The following RAPGEF4 variants were observed in gnomAD, a reference collection of about 807,000 sequenced individuals.
RAPGEF4 encodes the protein Rap guanine nucleotide exchange factor 4.
In RAPGEF4, 66 loss-of-function variants were observed where a neutral mutation model predicts 147.9. The ratio of observed to expected loss-of-function variants is 0.45; its 90% confidence interval spans 0.37 to 0.55. RAPGEF4 has a LOEUF of 0.55. RAPGEF4 is among the 20% of genes least tolerant of loss of function. RAPGEF4 has a pLI of 0.00. For missense variants in RAPGEF4, 1,071 were observed against 1,257.3 expected, an observed-to-expected ratio of 0.85 and a Z score of 2.24; for synonymous variants, 419 against 442.7, an observed-to-expected ratio of 0.95 and a Z score of 0.67.
chr2:172,821,748 A>G, intron 4 of RAPGEF4: 3 of 1,103,578 alleles, frequency 2.7e-6, no homozygotes, highest in Non-Finnish European at 3.3e-6. Context: ...AAAAAAAAAA[A>G]AAAAAAAAAA....
At chr2:172,886,711 T>TG (rs1697264770) in intron 4 of RAPGEF4, among the ~76,000 whole-genome samples, 1 of 104,546 alleles carries the variant, frequency 9.6e-6, no homozygotes, top group East Asian at 2.2e-4. Context: ...AGGCAATGCC[T>TG]TTTTTTTTTT....
chr2:172,862,345 T>C (rs1292303681), intron 4 of RAPGEF4, among the ~76,000 whole-genome samples: 3 of 152,186 alleles, frequency 2.0e-5, no homozygotes, highest in Non-Finnish European at 2.9e-5. Flanking sequence ...GAGAGCATTT[T>C]ATATTAAGAA....
intron 6 of RAPGEF4, among the ~76,000 whole-genome samples, chr2:172,940,032 T>C (rs1356725137): frequency 3.9e-5 from 6 of 152,188 alleles, no homozygotes; most frequent in South Asian, 4.1e-4. Context: ...GCTAGCTTTA[T>C]TATAATTCTC....
chr2:172,894,606 G>T (rs1285798765), intron 4 of RAPGEF4, among the ~76,000 whole-genome samples: 2 of 152,182 alleles, frequency 1.3e-5, no homozygotes, highest in African/African-American at 4.8e-5. Context: ...GACCAGAGAA[G>T]TAGGAAAAGA....
chr2:172,970,270 G>A (rs1053799539), intron 10 of RAPGEF4, among the ~76,000 whole-genome samples: 1 of 147,800 alleles, frequency 6.8e-6, no homozygotes, highest in Non-Finnish European at 1.5e-5. Context: ...ATCAAGAATT[G>A]CCAGTATCAC....
chr2:172,833,401 A>G (rs1279864798), intron 4 of RAPGEF4, among the ~76,000 whole-genome samples: 1 of 152,106 alleles, frequency 6.6e-6, no homozygotes, highest in Non-Finnish European at 1.5e-5. Context: ...AATATTTTCT[A>G]GTTACACTCT....
At chr2:172,932,863 G>C (rs1041170134) in intron 6 of RAPGEF4, among the ~76,000 whole-genome samples, 1 of 152,054 alleles carries the variant, frequency 6.6e-6, no homozygotes, top group Non-Finnish European at 1.5e-5. Context: ...TTGTGACCAT[G>C]GGTCTTTGTT....
intron 4 of RAPGEF4, among the ~76,000 whole-genome samples, chr2:172,897,571 T>A (rs535134779): frequency 7.3e-5 from 11 of 151,636 alleles, no homozygotes; most frequent in African/African-American, 2.4e-4. Context: ...ACTAATTTTT[T>A]AATTTTTTTT....
intron 16 of RAPGEF4, among the ~76,000 whole-genome samples, chr2:172,997,132 G>A (rs1693451206): frequency 6.6e-6 from 1 of 152,184 alleles, no homozygotes; most frequent in Admixed American, 6.5e-5. Context: ...TCCTTTTGAA[G>A]GCTGTGAAGG....
At chr2:172,812,657 CT>C (rs1688135258) in intron 3 of RAPGEF4, among the ~76,000 whole-genome samples, 1 of 152,210 alleles carries the variant, frequency 6.6e-6, no homozygotes, top group Non-Finnish European at 1.5e-5. Flanking sequence ...TTGCATTATA[CT>C]TCGCAAATAA....
chr2:172,915,142 C>A (rs1256464110), intron 4 of RAPGEF4, among the ~76,000 whole-genome samples: 1 of 152,152 alleles, frequency 6.6e-6, no homozygotes, highest in Admixed American at 6.5e-5. Context: ...TTTTAATTTA[C>A]AAGTATAAAT....
intron 29 of RAPGEF4, among the ~76,000 whole-genome samples, chr2:173,044,276 G>A (rs1475522640): frequency 8.1e-6 from 1 of 124,100 alleles, no homozygotes; most frequent in Non-Finnish European, 1.7e-5. Context: ...CCGGGGGGCG[G>A]GAGGGGGGGT....
At chr2:172,777,394 A>G (rs757100587) in intron 1 of RAPGEF4, among the ~76,000 whole-genome samples, 1 of 152,102 alleles carries the variant, frequency 6.6e-6, no homozygotes, top group Non-Finnish European at 1.5e-5. Flanking sequence ...TATGGAGCTT[A>G]TGTTCTAGTG....
intron 4 of RAPGEF4, among the ~76,000 whole-genome samples, chr2:172,879,940 G>T (rs1194410028): frequency 6.6e-6 from 1 of 152,192 alleles, no homozygotes; most frequent in African/African-American, 2.4e-5. Flanking sequence ...TACAACAAAA[G>T]CTTTTCCTTT....
At chr2:172,877,571 A>G (rs915907546) in intron 4 of RAPGEF4, among the ~76,000 whole-genome samples, 37 of 151,972 alleles carry the variant, frequency 2.4e-4, no homozygotes, top group Admixed American at 8.5e-4. Context: ...AGTCCAGTTC[A>G]AGACCTGGAT....
rs760443486 is a variant in RAPGEF4 at position 172,967,462 on chromosome 2, G to T, written c.1004+18G>T. 1.2e-6 allele frequency: 2 copies of T among 1,604,460 alleles called. No homozygotes were observed. The highest frequency in any genetic ancestry group is 4.5e-5 in the East Asian group (2 of 44,700). On this transcript the variant is annotated intron_variant, in intron 10 of 30. Transcript: ENST00000397081. ...CGCAAACCGTGAGTGAGAGCTCGTG[G>T]CTCACCCCTCCAGGTCCCAAGGCCG...
At chr2:172,897,527 T>C (rs1303522132) in intron 4 of RAPGEF4, among the ~76,000 whole-genome samples, 1 of 152,012 alleles carries the variant, frequency 6.6e-6, no homozygotes, top group Non-Finnish European at 1.5e-5. Context: ...TCCTCCCAAG[T>C]AGCTAGGACT....
intron 1 of RAPGEF4, among the ~76,000 whole-genome samples, chr2:172,771,615 A>AT (rs929418916): frequency 3.9e-5 from 6 of 151,974 alleles, no homozygotes; most frequent in Admixed American, 3.9e-4. Context: ...TTTTATTTTT[A>AT]TTTTTTTGGT....
At chr2:172,789,091 C>T (rs767655580) in intron 1 of RAPGEF4, among the ~76,000 whole-genome samples, 8 of 152,192 alleles carry the variant, frequency 5.3e-5, no homozygotes, top group Non-Finnish European at 8.8e-5. Flanking sequence ...CAGAGGCCCT[C>T]AGGCAACCAG....
Sources: gnomAD v4.1 joint callset for allele counts (sites outside exome capture counted in the v4.1 genomes callset) on GRCh38, gnomAD v4.1.1 for gene constraint, MANE v1.5 for transcripts, NCBI Gene and HGNC (gene_info 2026-07-23, HGNC 2026-07-21) for gene names.